The following PRKN variants were observed in gnomAD, a reference collection of about 807,000 sequenced individuals.
The protein encoded by PRKN is parkin RBR E3 ubiquitin protein ligase, also known as E3 ubiquitin-protein ligase parkin.
Under a neutral mutation model 59.5 loss-of-function variants are expected in PRKN, and 56 were observed. The ratio of observed to expected loss-of-function variants is 0.94; its 90% CI spans 0.76 to 1.18. The LOEUF (loss-of-function observed/expected upper bound fraction) is 1.18, where lower values mean the gene tolerates loss of function less well. Among genes scored for constraint, PRKN ranks in the 50% most tolerant of loss-of-function variants. PRKN has a pLI of 0.00. For missense variants in PRKN, 657 were observed against 596.4 expected, an observed-to-expected ratio of 1.10 and a Z score of -1.06; for synonymous variants, 250 against 222.1, an observed-to-expected ratio of 1.13 and a Z score of -1.12.
At chr6:161,583,432 C>G (rs1222293244) in intron 7 of PRKN, among the ~76,000 whole-genome samples, 1 of 151,572 alleles carries the variant, frequency 6.6e-6, no homozygotes, top group African/African-American at 2.4e-5. Flanking sequence ...TTCTTAGAAG[C>G]GTTGGTGTCA....
intron 3 of PRKN, among the ~76,000 whole-genome samples, chr6:162,255,752 G>A (rs573427117): frequency 2.0e-5 from 3 of 152,238 alleles, no homozygotes; most frequent in South Asian, 2.1e-4. Context: ...CCATGAATGC[G>A]CTCAAGGATT....
chr6:162,487,111 G>A lies in PRKN; in HGVS notation c.8-43638C>T, dbSNP rs371973248. 8.4e-4 allele frequency among the ~76,000 whole-genome samples: 128 copies of A among 152,038 alleles called. 1 individual carries two copies. The highest frequency in any genetic ancestry group is 1.7e-3 in the East Asian group (9 of 5,172). On this transcript the variant is annotated intron_variant, in intron 1 of 11. Transcript: ENST00000366898. Reference sequence around the variant, plus strand: ...AAAAGTAGATTTTAAGGAAAAAAACGCATAATCACCTACTAAGAAGGTCTA... The same window carrying A: ...AAAAGTAGATTTTAAGGAAAAAAACACATAATCACCTACTAAGAAGGTCTA...
intron 4 of PRKN, among the ~76,000 whole-genome samples, chr6:162,092,665 TCTG>T (rs1012415054): frequency 6.6e-6 from 1 of 152,242 alleles, no homozygotes; most frequent in African/African-American, 2.4e-5. Flanking sequence ...ATCATCATTA[TCTG>T]CTGTTTTATG....
At position 162,255,896 on chromosome 6, in the gene PRKN, T is replaced by C. The variant is rs150022511; in HGVS notation, c.412+6629A>G. On this transcript the variant is annotated intron_variant, in intron 3 of 11. Transcript: ENST00000366898. ...TTTCATTTAATCCACTGAAGTAAAT[T>C]ATCGGCCATTTGATTCCCTTCTTAC... 1.1e-3 allele frequency among the ~76,000 whole-genome samples: 165 copies of C among 152,306 alleles called. 2 individuals are homozygous for C. Among genetic ancestry groups the C allele is most frequent in the Non-Finnish European group, 1.8e-3 (120 of 68,020 alleles).
At position 162,611,319 on chromosome 6, in the gene PRKN, A is replaced by G. The variant is rs531802953; in HGVS notation, c.7+116343T>C. Among the ~76,000 whole-genome samples the G allele has an allele frequency of 2.5e-4, 38 of 152,368 alleles. No homozygotes were observed. In the South Asian group the frequency reaches 7.0e-3, roughly 28 times the overall value. ...TATTTGGATGATAGAATAAGAATAC[A>G]AAATTCAGATTGCTACAATGTGCTG... On this transcript the variant is annotated intron_variant, in intron 1 of 11. Transcript: ENST00000366898.
At chr6:162,380,987 C>T (rs1208207253) in intron 2 of PRKN, among the ~76,000 whole-genome samples, 4 of 152,112 alleles carry the variant, frequency 2.6e-5, no homozygotes, top group East Asian at 1.9e-4. Context: ...TAAGGAAAAC[C>T]GCCATGGATT....
chr6:161,643,210 A>AT (rs1463220591), intron 7 of PRKN, among the ~76,000 whole-genome samples: 2 of 152,086 alleles, frequency 1.3e-5, no homozygotes, highest in Non-Finnish European at 2.9e-5. Flanking sequence ...GGCTTACTTG[A>AT]TTTTTTTAAT....
rs143831134 is a variant in PRKN at position 161,668,636 on chromosome 6, A to T, written c.872-99220T>A. 3.2e-3 allele frequency among the ~76,000 whole-genome samples: 492 copies of T among 152,300 alleles called. 2 individuals are homozygous for T. Among genetic ancestry groups the T allele is most frequent in the African/African-American group, 0.011 (473 of 41,580 alleles). On this transcript the variant is annotated intron_variant, in intron 7 of 11. Coordinates refer to ENST00000366898, the MANE Select transcript of PRKN (RefSeq NM_004562.3). ...TTAGGGTCGGACAAGTACAGGAGGG[A>T]TGGACTTATTATAATGAGGCCTGGG... is the stretch of plus-strand genomic sequence containing the variant.
In PRKN at chr6:162,508,289, A is replaced by C. The variant is rs1583691300; in HGVS notation, c.8-64816T>G. On this transcript the variant is annotated intron_variant, in intron 1 of 11. Coordinates refer to ENST00000366898, the MANE Select transcript of PRKN (RefSeq NM_004562.3). ...TCCCACCAGGTCCCTCCCACAACAC[A>C]TGGGAATTACAGGAGTACAAATCAA... is the stretch of plus-strand genomic sequence containing the variant. 2.6e-5 allele frequency among the ~76,000 whole-genome samples: 4 copies of C among 152,222 alleles called. 1 individual carries two copies. In the South Asian group the frequency reaches 8.3e-4, roughly 32 times the overall value.
intron 5 of PRKN, among the ~76,000 whole-genome samples, chr6:161,990,183 C>G (rs985765234): frequency 1.3e-5 from 2 of 152,280 alleles, no homozygotes; most frequent in African/African-American, 2.4e-5. Context: ...TGCCCGAAGA[C>G]CAGCCCACTT....
chr6:162,425,755 A>G (rs1035176162), intron 2 of PRKN, among the ~76,000 whole-genome samples: 1 of 152,182 alleles, frequency 6.6e-6, no homozygotes, highest in African/African-American at 2.4e-5. Flanking sequence ...AAAGGAATAA[A>G]AAGTCCAACA....
Position 162,164,879 on chromosome 6 carries a change from T to C in PRKN, c.534+36252A>G, listed in dbSNP as rs115061112. On this transcript the variant is annotated intron_variant, in intron 4 of 11. Transcript: ENST00000366898. The stretch of plus-strand genomic sequence containing the variant: ...ACTAATTTTTACATATATTAGAAAC[T>C]AAACATTTTCCAGGAATGTACAATT... 6.5e-3 allele frequency among the ~76,000 whole-genome samples: 970 copies of C among 149,032 alleles called. 114 individuals are homozygous for C. The highest frequency in any genetic ancestry group is 0.023 in the African/African-American group (929 of 39,622).
At chr6:162,332,462 G>A (rs538230473) in intron 2 of PRKN, among the ~76,000 whole-genome samples, 8 of 152,142 alleles carry the variant, frequency 5.3e-5, no homozygotes, top group Admixed American at 2.0e-4. Context: ...CCTTTAGGAC[G>A]CACATAAATT....
chr6:162,509,987 CA>C (rs945382482), intron 1 of PRKN, among the ~76,000 whole-genome samples: 4 of 152,154 alleles, frequency 2.6e-5, no homozygotes, highest in Non-Finnish European at 5.9e-5. Flanking sequence ...GCTCACTTCA[CA>C]TGCAACAAAT....
intron 2 of PRKN, among the ~76,000 whole-genome samples, chr6:162,333,724 G>C (rs1783701944): frequency 6.6e-6 from 1 of 152,066 alleles, no homozygotes; most frequent in South Asian, 2.1e-4. Flanking sequence ...GCATCTAAAT[G>C]TTCAAGCGAA....
At chr6:161,482,062 A>T (rs1448394250) in intron 9 of PRKN, among the ~76,000 whole-genome samples, 1 of 152,218 alleles carries the variant, frequency 6.6e-6, no homozygotes, top group Non-Finnish European at 1.5e-5. Context: ...TGAATTCAGC[A>T]GTCACTTAAA....
At chr6:161,528,065 A>G (rs12190386) in intron 9 of PRKN, among the ~76,000 whole-genome samples, 28,312 of 152,208 alleles carry the variant, frequency 0.19, 2,851 homozygotes, top group Middle Eastern at 0.3. Flanking sequence ...TACTTAACAT[A>G]TATTTGTGGG....
chr6:161,358,042 G>T (rs933991807), intron 11 of PRKN, among the ~76,000 whole-genome samples: 3 of 152,180 alleles, frequency 2.0e-5, no homozygotes, highest in African/African-American at 7.2e-5. Flanking sequence ...TTCTCATACT[G>T]AGGCCTTTAG....
At chr6:161,441,483 A>G (rs1449359526) in intron 9 of PRKN, among the ~76,000 whole-genome samples, 1 of 151,852 alleles carries the variant, frequency 6.6e-6, no homozygotes, top group East Asian at 1.9e-4. Context: ...CGTATCTACT[A>G]AAAATACAAA....
Sources: allele counts gnomAD v4.1 joint callset (sites outside exome capture counted in the v4.1 genomes callset), GRCh38; gene constraint gnomAD v4.1.1; transcripts MANE v1.5; gene names NCBI Gene and HGNC (gene_info 2026-07-23, HGNC 2026-07-21).